Variants in FAAH2 observed in about 807,000 individuals in gnomAD.
FAAH2 encodes fatty-acid amide hydrolase 2.
A neutral mutation model predicts 36.9 loss-of-function variants in FAAH2; 60 were observed. The observed-to-expected ratio is 1.63, with a 90% CI of 1.32 to 2.02. FAAH2 has a LOEUF of 2.02. Ranked by LOEUF, FAAH2 falls within the 30% of genes most tolerant of loss-of-function variation. FAAH2 has a pLI of 0.00. For missense variants in FAAH2, 689 were observed against 397.5 expected, an observed-to-expected ratio of 1.73 and a Z score of -6.23; for synonymous variants, 214 against 143.8, an observed-to-expected ratio of 1.49 and a Z score of -3.49.
intron 5 of FAAH2, among the ~76,000 whole-genome samples, chrX:57,350,052 A>G (rs1376594685): frequency 1.8e-5 from 2 of 111,159 alleles, no homozygotes; most frequent in Admixed American, 9.6e-5. Context: ...CCAACTAACA[A>G]TGACCCTCTC....
the FAAH2 span, among the ~76,000 whole-genome samples, chrX:57,205,276 G>A: frequency 8.9e-6 from 1 of 112,464 alleles, no homozygotes; most frequent in East Asian, 2.8e-4. Flanking sequence ...GAGACCAGAG[G>A]CATTAACATT....
the FAAH2 span, among the ~76,000 whole-genome samples, chrX:57,234,521 A>G: frequency 8.9e-6 from 1 of 111,807 alleles, no homozygotes; most frequent in South Asian, 3.7e-4. Context: ...ATTCACCATA[A>G]TTTAGAATCA....
the FAAH2 span, among the ~76,000 whole-genome samples, chrX:57,228,761 T>C: frequency 8.9e-6 from 1 of 112,047 alleles, no homozygotes; most frequent in African/African-American, 3.2e-5. Flanking sequence ...GTTTCCTTGG[T>C]AACAAAACTT....
intron 10 of FAAH2, among the ~76,000 whole-genome samples, chrX:57,481,569 G>T (rs1160328280): frequency 8.9e-6 from 1 of 111,969 alleles, no homozygotes; most frequent in African/African-American, 3.2e-5. Flanking sequence ...CACCAGTGGA[G>T]GCTGTAGAAC....
In FAAH2 at chrX:57,488,899, T is replaced by C. The variant is rs1171242952; in HGVS notation, c.1566T>C (p.Thr522=). The C allele has an allele frequency of 2.5e-6, 3 of 1,208,500 alleles. No homozygotes were observed. Among genetic ancestry groups the C allele is most frequent in the Non-Finnish European group, 3.4e-6 (3 of 894,899 alleles). ...TLAVAQYLEK[T]FGGWVCPGKF ...CTGTGGCCCAGTACTTGGAGAAAAC[T>C]TTTGGGGGCTGGGTCTGTCCAGGAA... The change falls in exon 11 of 11, where the codon ACT becomes ACC. Residue 522 remains threonine (T), a synonymous_variant. Transcript: ENST00000374900.
chrX:57,281,823 G>T (rs1050890764), upstream of FAAH2, among the ~76,000 whole-genome samples: 3 of 111,349 alleles, frequency 2.7e-5, no homozygotes, highest in Non-Finnish European at 3.8e-5. Flanking sequence ...TGCAGTATTT[G>T]GTTTTCTGTT....
chrX:57,455,803 AG>A (rs1331758163), intron 10 of FAAH2, among the ~76,000 whole-genome samples: 1 of 112,304 alleles, frequency 8.9e-6, no homozygotes, highest in East Asian at 2.8e-4. Context: ...GGATTCATAA[AG>A]GAAGTTCTTC....
At chrX:57,305,590 A>C (rs1236504780) in intron 2 of FAAH2, among the ~76,000 whole-genome samples, 3 of 111,728 alleles carry the variant, frequency 2.7e-5, no homozygotes, top group Non-Finnish European at 5.6e-5. Context: ...GATATCTGTA[A>C]ATCACTAAAG....
At chrX:57,449,437 A>C (rs772401274) in intron 10 of FAAH2, among the ~76,000 whole-genome samples, 1 of 112,113 alleles carries the variant, frequency 8.9e-6, no homozygotes, top group Non-Finnish European at 1.9e-5. Context: ...AAGACATTGA[A>C]TCTTTCTCAA....
At chrX:57,456,218 T>G (rs1248760261) in intron 10 of FAAH2, among the ~76,000 whole-genome samples, 1 of 110,988 alleles carries the variant, frequency 9.0e-6, no homozygotes, top group Non-Finnish European at 1.9e-5. Context: ...AAAACAAAAT[T>G]AAGACAGTAA....
At chrX:57,225,656 T>C in the FAAH2 span, among the ~76,000 whole-genome samples, 1 of 112,169 alleles carries the variant, frequency 8.9e-6, no homozygotes, top group South Asian at 3.7e-4. Flanking sequence ...GTTAAGTCCA[T>C]TTGTTCCAAG....
intron 10 of FAAH2, among the ~76,000 whole-genome samples, chrX:57,480,755 C>G (rs2057364710): frequency 9.0e-6 from 1 of 110,737 alleles, no homozygotes; most frequent in Admixed American, 9.7e-5. Flanking sequence ...ATGGTGTTTT[C>G]TGTATTTCCT....
the FAAH2 span, among the ~76,000 whole-genome samples, chrX:57,244,963 G>A: frequency 9.0e-6 from 1 of 111,297 alleles, no homozygotes; most frequent in Non-Finnish European, 1.9e-5. Context: ...AAACCCATTG[G>A]TGTGCTGTAT....
chrX:57,200,120 G>T, the FAAH2 span, among the ~76,000 whole-genome samples: 1 of 109,349 alleles, frequency 9.1e-6, no homozygotes, highest in Non-Finnish European at 1.9e-5. Flanking sequence ...ATTTACTCCT[G>T]CCATTTTGCT....
the FAAH2 span, among the ~76,000 whole-genome samples, chrX:57,275,727 G>T: frequency 1.1e-5 from 1 of 95,134 alleles, no homozygotes; most frequent in African/African-American, 4.9e-5. Flanking sequence ...GATGGAGGAA[G>T]ATCTACCAAG....
At chrX:57,391,872 A>G (rs1161709049) in intron 7 of FAAH2, among the ~76,000 whole-genome samples, 1 of 109,874 alleles carries the variant, frequency 9.1e-6, no homozygotes, top group African/African-American at 3.3e-5. Flanking sequence ...CTTTGTAATG[A>G]TAGGAGTTAT....
At chrX:57,238,431 TG>T in the FAAH2 span, among the ~76,000 whole-genome samples, 1 of 111,034 alleles carries the variant, frequency 9.0e-6, no homozygotes, top group Admixed American at 9.6e-5. Context: ...CACTTATAAT[TG>T]GGGGCTAAAT....
At chrX:57,203,857 T>C in the FAAH2 span, among the ~76,000 whole-genome samples, 285 of 111,998 alleles carry the variant, frequency 2.5e-3, 1 homozygote, top group African/African-American at 8.7e-3. Flanking sequence ...TTTTTTATTC[T>C]TTCCCAAATT....
chrX:57,253,789 G>A, the FAAH2 span, among the ~76,000 whole-genome samples: 40,202 of 109,289 alleles, frequency 0.37, 6,317 homozygotes, highest in Middle Eastern at 0.62. Flanking sequence ...GGAAAGGAAA[G>A]GAGCAACCCA....
Sources: gnomAD v4.1 joint callset for allele counts (sites outside exome capture counted in the v4.1 genomes callset) on GRCh38, gnomAD v4.1.1 for gene constraint, MANE v1.5 for transcripts, NCBI Gene and HGNC (gene_info 2026-07-23, HGNC 2026-07-21) for gene names.